Variants in FOXP1 observed in about 807,000 individuals in gnomAD.
FOXP1 encodes forkhead box P1.
In FOXP1, 15 loss-of-function variants were observed where a neutral mutation model predicts 98.2. The observed-to-expected ratio is 0.15, with a 90% confidence interval of 0.10 to 0.24. FOXP1 has a LOEUF of 0.24. FOXP1 is among the 10% of genes least tolerant of loss of function. The pLI is 1.00. For missense variants in FOXP1, 633 were observed against 848.5 expected (o/e 0.75, Z 3.15); for synonymous variants, 371 against 314.5 (o/e 1.18, Z -1.90).
chr3:71,508,068 C>T (rs1252703082), intron 2 of FOXP1, among the ~76,000 whole-genome samples: 1 of 152,124 alleles, frequency 6.6e-6, no homozygotes. Context: ...TGGATTTAAA[C>T]CCAAGTCTTA....
intron 5 of FOXP1, among the ~76,000 whole-genome samples, chr3:71,276,801 T>C (rs1427285811): frequency 6.6e-6 from 1 of 152,136 alleles, no homozygotes; most frequent in Non-Finnish European, 1.5e-5. Flanking sequence ...AATTATGTAT[T>C]GCTGTTAACT....
intron 2 of FOXP1, chr3:71,581,274 G>A (rs1404320561): frequency 1.0e-6 from 1 of 985,246 alleles, no homozygotes; most frequent in Non-Finnish European, 1.2e-6. Flanking sequence ...GGGCGAGGAT[G>A]TCACCATATT....
chr3:71,510,556 A>G (rs1325047086), intron 2 of FOXP1, among the ~76,000 whole-genome samples: 2 of 152,134 alleles, frequency 1.3e-5, no homozygotes, highest in Admixed American at 1.3e-4. Flanking sequence ...AAATGAAAGC[A>G]CACAGGTGCA....
At chr3:71,039,145 G>A (rs893013339) in intron 11 of FOXP1, among the ~76,000 whole-genome samples, 1 of 151,782 alleles carries the variant, frequency 6.6e-6, no homozygotes, top group Non-Finnish European at 1.5e-5. Context: ...AGATTAAGTA[G>A]TGGCATATAA....
chr3:71,460,486 G>C (rs1164103923), intron 3 of FOXP1, among the ~76,000 whole-genome samples: 3 of 151,726 alleles, frequency 2.0e-5, no homozygotes, highest in Non-Finnish European at 4.4e-5. Context: ...GCCCAGGCTG[G>C]AGTGCAGTGG....
chr3:70,984,674 G>T (rs1254005176), intron 14 of FOXP1, among the ~76,000 whole-genome samples: 1 of 152,074 alleles, frequency 6.6e-6, no homozygotes, highest in African/African-American at 2.4e-5. Flanking sequence ...TGAGTCTTTG[G>T]TTTTGTTCTG....
At chr3:71,096,172 G>C (rs549849992) in intron 7 of FOXP1, among the ~76,000 whole-genome samples, 253 of 152,330 alleles carry the variant, frequency 1.7e-3, no homozygotes, top group Non-Finnish European at 3.1e-3. Flanking sequence ...TGCTACCCTA[G>C]AAGAAGGCTA....
chr3:70,989,460 T>C (rs2040268089), intron 13 of FOXP1, among the ~76,000 whole-genome samples: 1 of 152,218 alleles, frequency 6.6e-6, no homozygotes, highest in East Asian at 1.9e-4. Context: ...CTCTGTTCTT[T>C]AGTAAGTTAT....
intron 6 of FOXP1, among the ~76,000 whole-genome samples, chr3:71,142,227 C>A (rs779132029): frequency 1.6e-4 from 25 of 152,040 alleles, no homozygotes; most frequent in Admixed American, 2.6e-4. Context: ...TTGGTCCTGT[C>A]AATGTGTACC....
At chr3:71,310,421 A>G (rs1301688832) in intron 4 of FOXP1, among the ~76,000 whole-genome samples, 1 of 152,224 alleles carries the variant, frequency 6.6e-6, no homozygotes, top group Non-Finnish European at 1.5e-5. Flanking sequence ...AAGGGCAACA[A>G]TGTAAAAAAT....
intron 4 of FOXP1, among the ~76,000 whole-genome samples, chr3:71,348,532 T>TGC (rs1553853186): frequency 0.02 from 2,760 of 139,256 alleles, 51 homozygotes; most frequent in Non-Finnish European, 0.03. Context: ...CGTGTGTGTG[T>TGC]GTGTGTGTGT....
intron 5 of FOXP1, among the ~76,000 whole-genome samples, chr3:71,293,819 G>A (rs1203194210): frequency 6.6e-6 from 1 of 152,142 alleles, no homozygotes; most frequent in African/African-American, 2.4e-5. Context: ...TTTAACTGTT[G>A]AGAGGCCATG....
chr3:71,273,838 T>C (rs2070634662), intron 5 of FOXP1, among the ~76,000 whole-genome samples: 1 of 152,190 alleles, frequency 6.6e-6, no homozygotes, highest in Admixed American at 6.5e-5. Flanking sequence ...AAAGGTCTGG[T>C]CGTGGATGGT....
intron 11 of FOXP1, among the ~76,000 whole-genome samples, chr3:71,025,204 C>T (rs991265861): frequency 6.6e-6 from 1 of 152,066 alleles, no homozygotes; most frequent in African/African-American, 2.4e-5. Flanking sequence ...GTTGACTGGG[C>T]CCTAAGGGAC....
intron 3 of FOXP1, among the ~76,000 whole-genome samples, chr3:71,381,155 T>C (rs992161633): frequency 8.1e-5 from 12 of 147,846 alleles, no homozygotes; most frequent in African/African-American, 2.2e-4. Flanking sequence ...GGTTCTCTCT[T>C]TTTTTTTTTT....
intron 5 of FOXP1, among the ~76,000 whole-genome samples, chr3:71,291,441 T>A (rs2107501264): frequency 6.6e-6 from 1 of 152,324 alleles, no homozygotes. Flanking sequence ...TTTGGGCTAA[T>A]CACATTTCAA....
At chr3:71,337,526 C>T (rs2076758099) in intron 4 of FOXP1, among the ~76,000 whole-genome samples, 1 of 152,170 alleles carries the variant, frequency 6.6e-6, no homozygotes, top group Non-Finnish European at 1.5e-5. Context: ...ATTGAAAGTG[C>T]AGGCCCCCAA....
Position 70,957,731 on chromosome 3 carries a change from G to C in FOXP1, c.*1516C>G. On this transcript the variant is annotated 3_prime_UTR_variant, in exon 21 of 21. Coordinates refer to ENST00000649528, the MANE Select transcript of FOXP1 (RefSeq NM_001349338.3). ...CCCCCCCAAAGCCCAGGGCCTACATGATATCTTCTATGAGTTTTTGTGATA... is the reference window on the plus strand; with the variant it reads ...CCCCCCCAAAGCCCAGGGCCTACATCATATCTTCTATGAGTTTTTGTGATA... 4.3e-6 allele frequency: 1 copy of C among 233,630 alleles called. No homozygotes were observed. The highest frequency in any genetic ancestry group is 8.5e-6 in the Non-Finnish European group (1 of 118,090). The allele number at this position is 233,630 out of a possible 1,614,324, so 14.5% of individuals were successfully genotyped here.
rs77646547 is a variant in FOXP1 at position 70,993,076 on chromosome 3, G to A, written c.1063-4999C>T. Among the ~76,000 whole-genome samples, 391 of 152,310 alleles carry A rather than the reference G, an allele frequency of 2.6e-3. 1 individual carries two copies. Among genetic ancestry groups the A allele is most frequent in the Middle Eastern group, 6.8e-3 (2 of 294 alleles). ...ATTTGCTAAAGTCTAGGAGGCTGGT[G>A]TGATTACAAATAGCACCACTAATGG... On this transcript the variant is annotated intron_variant, in intron 13 of 20. Transcript: ENST00000649528.
Sources: allele counts gnomAD v4.1 joint callset (sites outside exome capture counted in the v4.1 genomes callset), GRCh38; gene constraint gnomAD v4.1.1; transcripts MANE v1.5; gene names NCBI Gene and HGNC (gene_info 2026-07-23, HGNC 2026-07-21).